The following TPCN1 variants were observed in gnomAD, a reference collection of about 807,000 sequenced individuals.
TPCN1 encodes the protein two pore channel protein 1.
A neutral mutation model predicts 108.8 loss-of-function variants in TPCN1; 52 were observed. The ratio of observed to expected loss-of-function variants is 0.48; its 90% confidence interval spans 0.38 to 0.60. The LOEUF is 0.60. Among genes scored for constraint, TPCN1 ranks in the 20% least tolerant of loss-of-function variants. The pLI is 0.00. For synonymous variants in TPCN1, 446 were observed against 433.7 expected, an observed-to-expected ratio of 1.03 and a Z score of -0.35; for missense variants, 806 against 1,072.8, an observed-to-expected ratio of 0.75 and a Z score of 3.47.
chr12:113,230,226 T>TG (rs1313739898), intron 2 of TPCN1, among the ~76,000 whole-genome samples: 1 of 151,268 alleles, frequency 6.6e-6, no homozygotes, highest in Non-Finnish European at 1.5e-5. Context: ...TAGATTATAG[T>TG]GGGGTAATTA....
At position 113,269,750 on chromosome 12, in the gene TPCN1, T is replaced by C; in HGVS notation, c.660-7T>C. ...TGCCTCCCCTGAGCTGGCCCATCTC[T>C]CCCCAGCAACCTGCGGCAGATCTTC... On this transcript the variant is annotated splice_region_variant and splice_polypyrimidine_tract_variant and intron_variant, in intron 6 of 27. Coordinates refer to ENST00000335509, the MANE Select transcript of TPCN1 (RefSeq NM_017901.6). This position sits in a 1 kb window ranked among gnomAD's most constrained non-coding sequence, Gnocchi z 5.0. 6.2e-7 allele frequency: 1 copy of C among 1,612,948 alleles called. No homozygotes were observed. The highest frequency in any genetic ancestry group is 1.1e-5 in the South Asian group (1 of 91,072).
chr12:113,243,707 T>C (rs1297948017), intron 2 of TPCN1, among the ~76,000 whole-genome samples: 1 of 152,126 alleles, frequency 6.6e-6, no homozygotes, highest in Non-Finnish European at 1.5e-5. Context: ...TGAGCCAAGA[T>C]TGTGCCACTG....
At chr12:113,276,318 G>A (rs151179601) in intron 10 of TPCN1, among the ~76,000 whole-genome samples, 90 of 152,268 alleles carry the variant, frequency 5.9e-4, no homozygotes, top group African/African-American at 2.0e-3. Flanking sequence ...GTTCTTCCCC[G>A]GCCTTCCATC....
chr12:113,286,758 C>T (rs1381678759), intron 18 of TPCN1, among the ~76,000 whole-genome samples: 2 of 152,178 alleles, frequency 1.3e-5, no homozygotes, highest in Non-Finnish European at 1.5e-5. Flanking sequence ...CATTTCTGGC[C>T]TTGGGGTCAG....
rs146099287 is a variant in TPCN1 at position 113,229,680 on chromosome 12, G to A, written c.112+2716G>A. On this transcript the variant is annotated intron_variant, in intron 2 of 27. Transcript: ENST00000335509. ...ATTTTTTTGTATTTTTAGTGGAGAC[G>A]GGGGTTTTACCATGTTGGCCAGGCT... 4.1e-3 allele frequency among the ~76,000 whole-genome samples: 628 copies of A among 152,182 alleles called. 9 individuals are homozygous for A. Among genetic ancestry groups the A allele is most frequent in the African/African-American group, 0.013 (547 of 41,508 alleles).
intron 1 of TPCN1, chr12:113,225,453 A>G (rs2136426096): frequency 3.5e-6 from 1 of 283,768 alleles, no homozygotes; most frequent in African/African-American, 2.3e-5. Flanking sequence ...CTCCAGACAG[A>G]ATTACCCTTA....
intron 15 of TPCN1, among the ~76,000 whole-genome samples, chr12:113,282,810 G>A (rs1009360613): frequency 2.6e-5 from 4 of 151,852 alleles, no homozygotes; most frequent in African/African-American, 9.7e-5. Flanking sequence ...TTAGGCCTGG[G>A]CATGGTGGCT....
At chr12:113,225,752 C>T (rs1953446796) in intron 1 of TPCN1, among the ~76,000 whole-genome samples, 1 of 151,928 alleles carries the variant, frequency 6.6e-6, no homozygotes, top group African/African-American at 2.4e-5. Context: ...GATGGGTTTT[C>T]ACCATGTTGG....
intron 22 of TPCN1, 42 bp downstream of exon 22, chr12:113,290,285 C>G (rs1566204909): frequency 1.4e-6 from 2 of 1,383,226 alleles, no homozygotes; most frequent in South Asian, 2.5e-5. Context: ...CCTGGGGACC[C>G]CACCCTTGTC....
Position 113,284,463 on chromosome 12 carries a change from G to A in TPCN1, c.1343-118G>A. The A allele has an allele frequency of 3.5e-6, 4 of 1,128,706 alleles. No individual in the cohort carries two copies. Among genetic ancestry groups the A allele is most frequent in the South Asian group, 1.3e-5 (1 of 75,546 alleles). 69.9% of individuals were successfully genotyped at this position (1,128,706 alleles called of 1,614,324 possible). ...CCCTATCAAATGGGTGTGTGGAGCA[G>A]CCCTGTTCTCCCCATCCCGTAGAGC... On this transcript the variant is annotated intron_variant, in intron 15 of 27. Coordinates refer to ENST00000335509, the MANE Select transcript of TPCN1 (RefSeq NM_017901.6). The surrounding 1 kb of genome is among the most constrained non-coding windows in gnomAD (Gnocchi z 4.1).
In TPCN1 at chr12:113,296,413, C is replaced by G; in HGVS notation, c.*337C>G. The G allele has an allele frequency of 3.6e-6, 1 of 276,864 alleles. No individual in the cohort carries two copies. Among genetic ancestry groups the G allele is most frequent in the Non-Finnish European group, 6.9e-6 (1 of 145,646 alleles). 17.2% of individuals were successfully genotyped at this position (276,864 alleles called of 1,614,324 possible). A position where few individuals can be genotyped will look rare whatever the true frequency, so the allele number is the denominator to read the frequency against. ...CATGTGGGCTGGCCTCCATCGGCCA[C>G]GTCCAAAGCTGTCACTGCTACTGCT... is the stretch of plus-strand genomic sequence containing the variant. On this transcript the variant is annotated 3_prime_UTR_variant, in exon 28 of 28. Coordinates refer to ENST00000335509, the MANE Select transcript of TPCN1 (RefSeq NM_017901.6).
rs115867221 is a variant in TPCN1 at position 113,225,181 on chromosome 12, A to G, written c.-125-1547A>G. The G allele has an allele frequency of 6.3e-3, 2,778 of 443,354 alleles. 48 individuals are homozygous for G. The highest frequency in any genetic ancestry group is 0.049 in the African/African-American group (2,451 of 49,530). The allele number at this position is 443,354 out of a possible 1,614,324, so 27.5% of individuals were successfully genotyped here. A position where few individuals can be genotyped will look rare whatever the true frequency, so the allele number is the denominator to read the frequency against. On this transcript the variant is annotated intron_variant, in intron 1 of 27. Coordinates refer to ENST00000335509, the MANE Select transcript of TPCN1 (RefSeq NM_017901.6). ...GTGTTTCCGTCACCTCAGCCTCCCA[A>G]GCAGCTAGGCCTACAGGCATATGCC...
In TPCN1 at chr12:113,273,668, G is replaced by C; in HGVS notation, c.942G>C (p.Leu314=). ...TCGAGCTGTATTTCATCATGAACCT[G>C]GTGAGTGACTATGCCTCAGGCTACG... ...LSIELYFIMN[L]LLAVVFDTFN... The change falls in exon 10 of 28, where the codon CTG becomes CTC. Residue 314 remains leucine (L), a splice_region_variant and synonymous_variant. Transcript: ENST00000335509. This position sits in a 1 kb window ranked among gnomAD's most constrained non-coding sequence, Gnocchi z 4.0. 6.2e-7 allele frequency: 1 copy of C among 1,613,234 alleles called. No homozygotes were observed. The highest frequency in any genetic ancestry group is 8.5e-7 in the Non-Finnish European group (1 of 1,179,242).
intron 2 of TPCN1, among the ~76,000 whole-genome samples, chr12:113,256,648 A>G (rs1042900257): frequency 6.6e-6 from 1 of 152,178 alleles, no homozygotes; most frequent in Non-Finnish European, 1.5e-5. Flanking sequence ...TCAGCCTCCT[A>G]GGCACTGGGA....
chr12:113,264,221 A>C (rs543325442), intron 3 of TPCN1, among the ~76,000 whole-genome samples: 1 of 152,280 alleles, frequency 6.6e-6, no homozygotes, highest in African/African-American at 2.4e-5. Context: ...TTGACTGCCA[A>C]GGTGTTTGCT....
rs1324011814 is a variant in TPCN1, at chr12:113,296,389, A to G, written c.*313A>G. 1.8e-5 allele frequency: 6 copies of G among 338,494 alleles called. No homozygotes were observed. Among genetic ancestry groups the G allele is most frequent in the African/African-American group, 1.0e-4 (5 of 48,764 alleles). The allele number at this position is 338,494 out of a possible 1,614,324, so 21.0% of individuals were successfully genotyped here. A position where few individuals can be genotyped will look rare whatever the true frequency, so the allele number is the denominator to read the frequency against. On this transcript the variant is annotated 3_prime_UTR_variant, in exon 28 of 28. Coordinates refer to ENST00000335509, the MANE Select transcript of TPCN1 (RefSeq NM_017901.6). ...CAGTCGACTGCGGGGCTTGCCCCTC[A>G]TGTGGGCTGGCCTCCATCGGCCACG...
rs1191377212 is a variant in TPCN1 at position 113,266,017 on chromosome 12, G to C, written c.238-163G>C. On this transcript the variant is annotated intron_variant, in intron 3 of 27. Transcript: ENST00000335509. The surrounding 1 kb of genome is among the most constrained non-coding windows in gnomAD (Gnocchi z 4.2). ...CAGGCAGGAGTGAGACCTGACCACC[G>C]TGAGTTTCGCGAAGATCATTTTGAT... 6.6e-6 allele frequency among the ~76,000 whole-genome samples: 1 copy of C among 150,454 alleles called. No homozygotes were observed. Among genetic ancestry groups the C allele is most frequent in the East Asian group, 1.9e-4 (1 of 5,196 alleles).
intron 2 of TPCN1, among the ~76,000 whole-genome samples, chr12:113,234,397 T>G (rs551025393): frequency 2.0e-5 from 3 of 152,340 alleles, no homozygotes; most frequent in South Asian, 4.1e-4. Context: ...GAGCGGGGCA[T>G]GAGGTTAGAC....
chr12:113,297,380 CT>C lies in TPCN1; in HGVS notation c.*1305del, dbSNP rs1248141825. Reference sequence around the variant, plus strand: ...GGTGCGAAGGGCAAGGAGTGCACTGCTGGGCATTCCTGGCCAGCCCCGGCCC... The same window carrying C: ...GGTGCGAAGGGCAAGGAGTGCACTGCGGGCATTCCTGGCCAGCCCCGGCCC... On this transcript the variant is annotated 3_prime_UTR_variant, in exon 28 of 28. Coordinates refer to ENST00000335509, the MANE Select transcript of TPCN1 (RefSeq NM_017901.6). The surrounding 1 kb of genome is among the most constrained non-coding windows in gnomAD (Gnocchi z 4.4). The C allele has an allele frequency of 6.5e-6, 1 of 154,654 alleles. No homozygotes were observed. Among genetic ancestry groups the C allele is most frequent in the East Asian group, 1.9e-4 (1 of 5,210 alleles). 9.6% of individuals were successfully genotyped at this position (154,654 alleles called of 1,614,324 possible).
Sources: allele counts gnomAD v4.1 joint callset (sites outside exome capture counted in the v4.1 genomes callset), GRCh38; gene constraint gnomAD v4.1.1; non-coding constraint Gnocchi (gnomAD v3.1); transcripts MANE v1.5; gene names NCBI Gene and HGNC (gene_info 2026-07-23, HGNC 2026-07-21).